Variants in NWD2 observed in about 807,000 individuals in gnomAD.
NWD2 encodes NACHT and WD repeat domain containing 2.
Under a neutral mutation model 132.7 loss-of-function variants are expected in NWD2, and 37 were observed. That is an observed-to-expected ratio of 0.28 (90% CI 0.21 to 0.37). NWD2 has a LOEUF of 0.37. Ranked by LOEUF, NWD2 falls within the 10% of genes least tolerant of loss-of-function variation. NWD2 has a pLI of 1.00. For missense variants in NWD2, 1,592 were observed against 2,122.4 expected, an observed-to-expected ratio of 0.75 and a Z score of 4.91; for synonymous variants, 705 against 803.0, an observed-to-expected ratio of 0.88 and a Z score of 2.06.
chr4:37,245,251 C>T (rs1356834751), intron 1 of NWD2, 33 bp downstream of exon 1: 1 of 1,508,774 alleles, frequency 6.6e-7, no homozygotes, highest in Non-Finnish European at 8.8e-7. Context: ...CCCGTCCGTC[C>T]TTCTGTCCGT....
intron 3 of NWD2, among the ~76,000 whole-genome samples, chr4:37,379,622 C>T (rs1258728665): frequency 6.6e-6 from 1 of 152,080 alleles, no homozygotes; most frequent in Non-Finnish European, 1.5e-5. Flanking sequence ...CAGAACTAAC[C>T]CAGACCGTAC....
intron 3 of NWD2, among the ~76,000 whole-genome samples, chr4:37,419,175 G>A (rs1247429156): frequency 2.0e-5 from 3 of 152,152 alleles, no homozygotes; most frequent in Non-Finnish European, 2.9e-5. Flanking sequence ...AATAAATGGT[G>A]TTGGGAAAAC....
intron 1 of NWD2, among the ~76,000 whole-genome samples, chr4:37,301,460 A>G (rs1410379320): frequency 3.3e-5 from 5 of 152,040 alleles, no homozygotes; most frequent in East Asian, 3.8e-4. Context: ...CAAAAGATGT[A>G]TATTAGATTG....
chr4:37,262,763 G>A (rs947461620), intron 1 of NWD2, among the ~76,000 whole-genome samples: 1 of 151,944 alleles, frequency 6.6e-6, no homozygotes, highest in African/African-American at 2.4e-5. Context: ...ATAATAAGAG[G>A]GAAAGGTTTT....
chr4:37,256,703 T>A (rs772600262), intron 1 of NWD2, among the ~76,000 whole-genome samples: 2 of 152,154 alleles, frequency 1.3e-5, no homozygotes, highest in Non-Finnish European at 2.9e-5. Context: ...GAAGTCTAAA[T>A]CTATTTACAG....
intron 1 of NWD2, among the ~76,000 whole-genome samples, chr4:37,245,489 C>G (rs1312372725): frequency 6.6e-6 from 1 of 152,096 alleles, no homozygotes; most frequent in East Asian, 1.9e-4. Context: ...AAGGCATTAG[C>G]CGGCCCTTCT....
intron 5 of NWD2, among the ~76,000 whole-genome samples, chr4:37,437,813 G>A (rs192543621): frequency 1.3e-5 from 2 of 152,248 alleles, no homozygotes; most frequent in East Asian, 3.9e-4. Flanking sequence ...TTGTGTGCAA[G>A]CATATGTATT....
chr4:37,331,930 C>T (rs886386114), intron 2 of NWD2, among the ~76,000 whole-genome samples: 1 of 152,160 alleles, frequency 6.6e-6, no homozygotes, highest in Non-Finnish European at 1.5e-5. Context: ...CTGCCCCTGT[C>T]ACAGCAGAAA....
chr4:37,383,275 C>G (rs1720492881), intron 3 of NWD2, among the ~76,000 whole-genome samples: 1 of 152,210 alleles, frequency 6.6e-6, no homozygotes, highest in Non-Finnish European at 1.5e-5. Context: ...CCCTCTCCCC[C>G]TTTGATTTAC....
chr4:37,284,388 A>G (rs1338499530), intron 1 of NWD2, among the ~76,000 whole-genome samples: 4 of 152,224 alleles, frequency 2.6e-5, no homozygotes, highest in African/African-American at 4.8e-5. Context: ...TAGGATTTGA[A>G]CATATGAATT....
At chr4:37,309,169 G>A (rs1455526696) in intron 1 of NWD2, among the ~76,000 whole-genome samples, 1 of 152,156 alleles carries the variant, frequency 6.6e-6, no homozygotes, top group Non-Finnish European at 1.5e-5. Flanking sequence ...CAATGCAGCA[G>A]CTCCACCACT....
intron 1 of NWD2, among the ~76,000 whole-genome samples, chr4:37,321,784 T>C (rs1445466308): frequency 6.6e-6 from 1 of 152,216 alleles, no homozygotes. Context: ...GAGCCAATCA[T>C]ATATTAATAC....
At position 37,439,338 on chromosome 4, in the gene NWD2, A is replaced by G. The variant is rs1200914317; in HGVS notation, c.1244A>G (p.Tyr415Cys). 3.3e-6 allele frequency: 5 copies of G among 1,535,320 alleles called. No homozygotes were observed. Among genetic ancestry groups the G allele is most frequent in the African/African-American group, 1.4e-5 (1 of 72,314 alleles). The change falls in exon 6 of 7, where the codon TAT becomes TGT. Residue 415 changes from tyrosine (Y) to cysteine (C), a missense_variant. By Grantham distance (194) the Tyr-to-Cys change is radical (BLOSUM62 -2). This residue lies in a region of NWD2 where 1,071 missense variants were observed against 1,398.0 expected (regional missense o/e 0.77). Transcript: ENST00000309447. The surrounding 1 kb of genome is among the most constrained non-coding windows in gnomAD (Gnocchi z 4.5). ...GGACACATCAACCCTCTTATTATATATGGTGGGCCATGCACTGGGAAGACC... is the reference window on the plus strand; with the variant it reads ...GGACACATCAACCCTCTTATTATATGTGGTGGGCCATGCACTGGGAAGACC... ...KAGHINPLII[Y>C]GGPCTGKTLL...
intron 2 of NWD2, among the ~76,000 whole-genome samples, chr4:37,347,837 A>T (rs1312076572): frequency 6.6e-6 from 1 of 152,208 alleles, no homozygotes; most frequent in East Asian, 1.9e-4. Context: ...CCTCAACCAC[A>T]TCCAAATGGT....
At chr4:37,425,505 G>A (rs1225203350) in intron 3 of NWD2, among the ~76,000 whole-genome samples, 1 of 152,102 alleles carries the variant, frequency 6.6e-6, no homozygotes, top group African/African-American at 2.4e-5. Context: ...CTACAGACAG[G>A]CAAAATCCCA....
intron 1 of NWD2, among the ~76,000 whole-genome samples, chr4:37,253,343 T>C (rs1717433135): frequency 6.6e-6 from 1 of 152,206 alleles, no homozygotes; most frequent in South Asian, 2.1e-4. Context: ...GAATTAGATA[T>C]TCTTCTAGCC....
At chr4:37,330,644 A>C (rs1238967057) in intron 2 of NWD2, among the ~76,000 whole-genome samples, 1 of 152,202 alleles carries the variant, frequency 6.6e-6, no homozygotes, top group East Asian at 1.9e-4. Flanking sequence ...GCTTACCCCT[A>C]GTAGATTGCA....
intron 1 of NWD2, among the ~76,000 whole-genome samples, chr4:37,309,063 G>A (rs1024284887): frequency 1.3e-5 from 2 of 152,218 alleles, no homozygotes; most frequent in Non-Finnish European, 2.9e-5. Context: ...GAAGCGGGCA[G>A]AGTTGTCAGC....
chr4:37,295,648 G>GTTA (rs1718474877), intron 1 of NWD2, among the ~76,000 whole-genome samples: 1 of 152,178 alleles, frequency 6.6e-6, no homozygotes, highest in African/African-American at 2.4e-5. Flanking sequence ...TAGGTTACCA[G>GTTA]TGATTCCCAT....
Sources: gnomAD v4.1 joint callset for allele counts (sites outside exome capture counted in the v4.1 genomes callset) on GRCh38, gnomAD v4.1.1 for gene constraint, gnomAD v4.1.1 regional missense constraint, Gnocchi (gnomAD v3.1) non-coding constraint, MANE v1.5 for transcripts, NCBI Gene and HGNC (gene_info 2026-07-23, HGNC 2026-07-21) for gene names.